The following DPP8 variants were observed in gnomAD, a reference collection of about 807,000 sequenced individuals.
The protein encoded by DPP8 is DPP VIII.
Under a neutral mutation model 107.5 loss-of-function variants are expected in DPP8, and 31 were observed. The observed-to-expected ratio is 0.29, with a 90% CI of 0.22 to 0.39. DPP8 has a LOEUF of 0.39. Ranked by LOEUF, DPP8 falls within the 10% of genes least tolerant of loss-of-function variation. The pLI is 1.00. For synonymous variants in DPP8, 381 were observed against 356.6 expected, an observed-to-expected ratio of 1.07 and a Z score of -0.77; for missense variants, 842 against 1,076.1, an observed-to-expected ratio of 0.78 and a Z score of 3.04.
chr15:65,453,615 A>G (rs142202972), intron 17 of DPP8, among the ~76,000 whole-genome samples: 6 of 152,024 alleles, frequency 3.9e-5, no homozygotes, highest in African/African-American at 1.4e-4. Context: ...CTAAAAGTAC[A>G]AAAATTAGCT....
chr15:65,481,367 T>C, intron 9 of DPP8, 148 bp downstream of exon 9: 2 of 606,980 alleles, frequency 3.3e-6, no homozygotes, highest in Non-Finnish European at 5.8e-6. Context: ...TCCACTTAAT[T>C]CAAGAAAAAT....
intron 4 of DPP8, among the ~76,000 whole-genome samples, chr15:65,499,690 G>C (rs941332879): frequency 1.3e-5 from 2 of 151,912 alleles, no homozygotes; most frequent in African/African-American, 2.4e-5. Flanking sequence ...TCAGCTTCCT[G>C]AGTAGCTGGG....
intron 4 of DPP8, among the ~76,000 whole-genome samples, chr15:65,499,223 T>C (rs1042847508): frequency 4.6e-5 from 7 of 151,870 alleles, no homozygotes; most frequent in Admixed American, 1.3e-4. Context: ...TGATGCCCGT[T>C]ACCTTTCCTT....
At chr15:65,456,501 A>G (rs1277258136) in intron 15 of DPP8, 130 bp from the exon 16 acceptor site, 1 of 959,444 alleles carries the variant, frequency 1.0e-6, no homozygotes, top group Non-Finnish European at 1.5e-6. Flanking sequence ...TTTTTAAGTC[A>G]TTTCTTTTTA....
At chr15:65,500,480 C>A in intron 4 of DPP8, 126 bp downstream of exon 4, 1 of 696,444 alleles carries the variant, frequency 1.4e-6, no homozygotes, top group Non-Finnish European at 2.4e-6. Context: ...GTTTTCATTG[C>A]TATTAAATTT....
At chr15:65,499,434 A>G (rs7179665) in intron 4 of DPP8, among the ~76,000 whole-genome samples, 142,929 of 152,094 alleles carry the variant, frequency 0.94, 67,157 homozygotes, top group Admixed American at 0.96. Context: ...TGTTGGCCAG[A>G]CTGATCTCAA....
chr15:65,484,792 T>C lies in DPP8; in HGVS notation c.1017+307A>G, dbSNP rs546944686. On this transcript the variant is annotated intron_variant, in intron 8 of 19. Coordinates refer to ENST00000300141, the MANE Select transcript of DPP8 (RefSeq NM_130434.5). ...TGTGGGATATTTAATGCACCACAGA[T>C]ATCTACCCAACACAGAAGGTAACCA... Among the ~76,000 whole-genome samples the C allele has an allele frequency of 5.3e-4, 80 of 152,040 alleles. No homozygotes were observed. In the Middle Eastern group the frequency reaches 0.01, roughly 19 times the overall value.
At chr15:65,509,340 A>T (rs186661371) in intron 2 of DPP8, among the ~76,000 whole-genome samples, 76 of 152,314 alleles carry the variant, frequency 5.0e-4, no homozygotes, top group African/African-American at 1.7e-3. Context: ...AGTAACAGCC[A>T]TTCCCCCACA....
chr15:65,468,103 G>T (rs2065518908), intron 12 of DPP8, among the ~76,000 whole-genome samples: 1 of 152,114 alleles, frequency 6.6e-6, no homozygotes, highest in Non-Finnish European at 1.5e-5. Context: ...TTCAATAGCT[G>T]AATTCACTTA....
At position 65,442,904 on chromosome 15, in the gene DPP8, T is replaced by C. The variant is rs1567107501; in HGVS notation, c.*3980A>G. On this transcript the variant is annotated 3_prime_UTR_variant, in exon 20 of 20. Transcript: ENST00000300141. ...TGGGAATAGACACACTCACCTTATATAGTTTAGAAATGGCCATGTCTCTTT... is the reference window on the plus strand; with the variant it reads ...TGGGAATAGACACACTCACCTTATACAGTTTAGAAATGGCCATGTCTCTTT... 1.3e-5 allele frequency: 2 copies of C among 152,192 alleles called. No individual in the cohort carries two copies. Among genetic ancestry groups the C allele is most frequent in the African/African-American group, 4.8e-5 (2 of 41,444 alleles). 9.4% of individuals were successfully genotyped at this position (152,192 alleles called of 1,614,324 possible).
chr15:65,507,112 C>G (rs1304295095), intron 3 of DPP8, 131 bp downstream of exon 3: 2 of 481,018 alleles, frequency 4.2e-6, no homozygotes, highest in Non-Finnish European at 7.2e-6. Flanking sequence ...CAGGGTCATA[C>G]ATGCAAAAAC....
chr15:65,464,552 G>A (rs1272620922), intron 14 of DPP8, among the ~76,000 whole-genome samples: 1 of 151,686 alleles, frequency 6.6e-6, no homozygotes, highest in Non-Finnish European at 1.5e-5. Flanking sequence ...GCATGGAGGT[G>A]TGCTCCTGTA....
At chr15:65,481,060 G>A (rs903759305) in intron 9 of DPP8, among the ~76,000 whole-genome samples, 2 of 150,940 alleles carry the variant, frequency 1.3e-5, no homozygotes, top group African/African-American at 4.9e-5. Context: ...CTCCAGCCTA[G>A]GTGACAAAGC....
intron 9 of DPP8, 146 bp from the exon 10 acceptor site, chr15:65,480,545 A>T: frequency 1.9e-6 from 1 of 529,656 alleles, no homozygotes; most frequent in Non-Finnish European, 3.2e-6. Flanking sequence ...ATCACTTACA[A>T]ATAGTTAATT....
chr15:65,496,712 G>A (rs1014452122), intron 5 of DPP8, among the ~76,000 whole-genome samples: 5 of 151,802 alleles, frequency 3.3e-5, no homozygotes, highest in Admixed American at 2.0e-4. Context: ...GTGCAGTGGC[G>A]CAATCACGTT....
At chr15:65,506,718 C>T (rs1162980906) in intron 3 of DPP8, among the ~76,000 whole-genome samples, 1 of 148,090 alleles carries the variant, frequency 6.8e-6, no homozygotes, top group Non-Finnish European at 1.5e-5. Context: ...CATATATAAA[C>T]ATATATATGT....
chr15:65,455,841 C>T, intron 16 of DPP8: 1 of 1,293,174 alleles, frequency 7.7e-7, no homozygotes, highest in Non-Finnish European at 1.0e-6. Flanking sequence ...TTTAAAGCTT[C>T]CTGTAGAGAG....
intron 15 of DPP8, among the ~76,000 whole-genome samples, chr15:65,460,664 C>T (rs530274674): frequency 6.6e-6 from 1 of 152,312 alleles, no homozygotes; most frequent in South Asian, 2.1e-4. Flanking sequence ...AGAACATCCT[C>T]CTTTTTAAGG....
intron 7 of DPP8, among the ~76,000 whole-genome samples, chr15:65,486,614 T>G (rs2067465810): frequency 1.1e-5 from 1 of 89,186 alleles, no homozygotes; most frequent in Non-Finnish European, 2.2e-5. Flanking sequence ...TAAAAAAATG[T>G]AGTATATATA....
Sources: gnomAD v4.1 joint callset for allele counts (sites outside exome capture counted in the v4.1 genomes callset) on GRCh38, gnomAD v4.1.1 for gene constraint, MANE v1.5 for transcripts, NCBI Gene and HGNC (gene_info 2026-07-23, HGNC 2026-07-21) for gene names.